CCDC93: variants seen among roughly 807,000 people sequenced by gnomAD.
CCDC93 encodes the protein coiled-coil domain-containing protein 93.
In CCDC93, 61 loss-of-function variants were observed where a neutral mutation model predicts 108.2. The ratio of observed to expected loss-of-function variants is 0.56; its 90% CI spans 0.46 to 0.70. CCDC93 has a LOEUF of 0.70. Among genes scored for constraint, CCDC93 ranks in the 30% least tolerant of loss-of-function variants. The pLI is 0.00. For missense variants in CCDC93, 685 were observed against 764.2 expected (o/e 0.90, Z 1.22); for synonymous variants, 276 against 260.4 (o/e 1.06, Z -0.58).
intron 1 of CCDC93, 69 bp downstream of exon 1, chr2:118,013,885 C>T: frequency 7.0e-7 from 1 of 1,422,850 alleles, no homozygotes; most frequent in Non-Finnish European, 9.5e-7. Flanking sequence ...CCCGCTCAGC[C>T]CGCCGCCCCG....
Position 117,983,273 on chromosome 2 carries a change from C to T in CCDC93, c.620+2696G>A, listed in dbSNP as rs560263195. Among the ~76,000 whole-genome samples the T allele has an allele frequency of 2.3e-4, 35 of 152,310 alleles. 1 individual carries two copies. The East Asian group carries it at 6.4e-3, about 28-fold the overall frequency. ...CCCTCCAATTGGCGTATTTCCCTATCTGCCTTCCCCTGTGAAGAAGGACAT... is the reference window on the plus strand; with the variant it reads ...CCCTCCAATTGGCGTATTTCCCTATTTGCCTTCCCCTGTGAAGAAGGACAT... On this transcript the variant is annotated intron_variant, in intron 7 of 23. Transcript: ENST00000376300.
chr2:117,974,847 C>G lies in CCDC93; in HGVS notation c.801+3G>C. 1.9e-6 allele frequency: 3 copies of G among 1,569,904 alleles called. No individual in the cohort carries two copies. The highest frequency in any genetic ancestry group is 2.7e-5 in the African/African-American group (2 of 73,980). Reference sequence around the variant, plus strand: ...TCCCCACACCTCCCCGACTCCCACTCACCTCCTCATTTGCCATAGCGGTCA... The same window carrying G: ...TCCCCACACCTCCCCGACTCCCACTGACCTCCTCATTTGCCATAGCGGTCA... On this transcript the variant is annotated splice_donor_region_variant and intron_variant, in intron 10 of 23. Coordinates refer to ENST00000376300, the MANE Select transcript of CCDC93 (RefSeq NM_019044.5).
At chr2:117,962,809 A>G (rs1679438459) in intron 11 of CCDC93, among the ~76,000 whole-genome samples, 1 of 152,200 alleles carries the variant, frequency 6.6e-6, no homozygotes, top group African/African-American at 2.4e-5. Context: ...TTTTTTCCTG[A>G]GAGTATTTGC....
intron 11 of CCDC93, among the ~76,000 whole-genome samples, chr2:117,972,700 G>A (rs1463793538): frequency 4.6e-5 from 7 of 152,002 alleles, no homozygotes; most frequent in Admixed American, 4.6e-4. Context: ...TCAGATGTGT[G>A]TGCTGACAGG....
rs1678537079 is a variant in CCDC93 at position 117,936,691 on chromosome 2, A to G, written c.1643+11T>C. ...AGGGTATTAGTGGGAAGGAGGACTG[A>G]CAGTACTTACTGTGAGAAGTTCTCA... On this transcript the variant is annotated intron_variant, in intron 21 of 23. Transcript: ENST00000376300. The G allele has an allele frequency of 6.2e-7, 1 of 1,609,274 alleles. No individual in the cohort carries two copies. The highest frequency in any genetic ancestry group is 8.5e-7 in the Non-Finnish European group (1 of 1,175,524).
At chr2:117,978,680 A>C (rs1680018140) in intron 7 of CCDC93, among the ~76,000 whole-genome samples, 1 of 152,236 alleles carries the variant, frequency 6.6e-6, no homozygotes, top group African/African-American at 2.4e-5. Context: ...GATTTGTAAG[A>C]AAATAAAGTT....
intron 13 of CCDC93, chr2:117,951,422 C>T (rs1329041770): frequency 1.0e-6 from 1 of 985,338 alleles, no homozygotes; most frequent in East Asian, 1.1e-4. Context: ...TTAGTCCAGA[C>T]CAGAATTGAA....
chr2:117,966,223 C>CA (rs1411977004), intron 11 of CCDC93, among the ~76,000 whole-genome samples: 2 of 152,230 alleles, frequency 1.3e-5, no homozygotes, highest in Non-Finnish European at 1.5e-5. Context: ...TCACACCCAA[C>CA]TCCTGGCAAC....
chr2:118,000,561 T>C (rs1680813632), intron 4 of CCDC93, among the ~76,000 whole-genome samples: 1 of 152,116 alleles, frequency 6.6e-6, no homozygotes. Context: ...CAGAGTTCTG[T>C]TTTTACCAAA....
intron 22 of CCDC93, chr2:117,931,657 G>A (rs1678337298): frequency 6.6e-6 from 1 of 152,298 alleles, no homozygotes; most frequent in Admixed American, 6.5e-5. Flanking sequence ...ATAAAACCGT[G>A]TATCCTCTTT....
In CCDC93 at chr2:117,975,151, A is replaced by G. The variant is rs191655108; in HGVS notation, c.750+37T>C. 4.4e-5 allele frequency: 69 copies of G among 1,550,942 alleles called. No individual in the cohort carries two copies. The Admixed American group carries it at 1.2e-3, about 26-fold the overall frequency. ...AGTACGATTTCTCCCAAAATGACTT[A>G]CACAGAAACCTCAGAGGGCCTACAT... On this transcript the variant is annotated intron_variant, in intron 9 of 23. Coordinates refer to ENST00000376300, the MANE Select transcript of CCDC93 (RefSeq NM_019044.5).
At chr2:117,940,042 A>C (rs1399678078) in intron 19 of CCDC93, among the ~76,000 whole-genome samples, 2 of 152,208 alleles carry the variant, frequency 1.3e-5, no homozygotes, top group Non-Finnish European at 2.9e-5. Context: ...ATGTTGAAAG[A>C]GATCTAATTA....
At chr2:117,939,844 G>C (rs1354889630) in intron 19 of CCDC93, among the ~76,000 whole-genome samples, 3 of 152,172 alleles carry the variant, frequency 2.0e-5, no homozygotes, top group Admixed American at 1.3e-4. Context: ...GGAATTGTAG[G>C]ATAATGGCAC....
At chr2:117,946,673 G>T in intron 16 of CCDC93, 138 bp downstream of exon 16, 1 of 630,470 alleles carries the variant, frequency 1.6e-6, no homozygotes. Flanking sequence ...AATCTAAGAA[G>T]GTCACAGAAG....
rs1356594808 is a variant in CCDC93, at chr2:118,008,514, T to C, written c.156+31A>G. 3 of 1,193,080 alleles carry C rather than the reference T, an allele frequency of 2.5e-6. No homozygotes were observed. In the South Asian group the frequency reaches 3.8e-5, roughly 15 times the overall value. The allele number at this position is 1,193,080 out of a possible 1,614,324, so 73.9% of individuals were successfully genotyped here. On this transcript the variant is annotated intron_variant, in intron 2 of 23. Coordinates refer to ENST00000376300, the MANE Select transcript of CCDC93 (RefSeq NM_019044.5). ...TTAACCATGTCATTCTGACAAAAGA[T>C]AGTGTAATGGTTAGAAAGATTTCCC...
At chr2:117,977,932 G>C in intron 8 of CCDC93, 62 bp downstream of exon 8, 1 of 1,447,276 alleles carries the variant, frequency 6.9e-7, no homozygotes, top group Non-Finnish European at 9.7e-7. Context: ...GTGTTAGTCA[G>C]AGGTGAAGGG....
intron 23 of CCDC93, among the ~76,000 whole-genome samples, chr2:117,929,115 T>C (rs1240397699): frequency 3.7e-5 from 1 of 27,124 alleles, no homozygotes; most frequent in South Asian, 1.2e-3. Flanking sequence ...TGTTGTGGGG[T>C]GGGGGGAGGT....
rs1678399141 is a variant in CCDC93 at position 117,933,095 on chromosome 2, G to A, written c.1729-1945C>T. On this transcript the variant is annotated intron_variant, in intron 22 of 23. Coordinates refer to ENST00000376300, the MANE Select transcript of CCDC93 (RefSeq NM_019044.5). Reference sequence around the variant, plus strand: ...AAGGCTGGGTTCAAATCCTAGTTCTGCCACTCACTGTGTATCCTTGGACAG... The same window carrying A: ...AAGGCTGGGTTCAAATCCTAGTTCTACCACTCACTGTGTATCCTTGGACAG... Among the ~76,000 whole-genome samples the A allele has an allele frequency of 1.3e-5, 2 of 152,176 alleles. 1 individual carries two copies. The highest frequency in any genetic ancestry group is 4.8e-5 in the African/African-American group (2 of 41,442).
At chr2:117,923,671 TG>T (rs1248209329) in intron 23 of CCDC93, among the ~76,000 whole-genome samples, 1 of 107,836 alleles carries the variant, frequency 9.3e-6, no homozygotes, top group Non-Finnish European at 1.9e-5. Flanking sequence ...CCTGCCTGCC[TG>T]CCTGCCTGCC....
Sources: gnomAD v4.1 joint callset for allele counts (sites outside exome capture counted in the v4.1 genomes callset) on GRCh38, gnomAD v4.1.1 for gene constraint, MANE v1.5 for transcripts, NCBI Gene and HGNC (gene_info 2026-07-23, HGNC 2026-07-21) for gene names.